Variants in DST observed in about 807,000 individuals in gnomAD.
The protein encoded by DST is dystonin, also known as bullous pemphigoid antigen.
In DST, 253 loss-of-function variants were observed where a neutral mutation model predicts 875.2. That is an observed-to-expected ratio of 0.29 (90% confidence interval 0.26 to 0.32). The LOEUF is 0.32. Among genes scored for constraint, DST ranks in the 10% least tolerant of loss-of-function variants. The pLI, the probability that DST is intolerant of heterozygous loss-of-function variation, is 1.00. For missense variants in DST, 8,287 were observed against 9,111.6 expected (o/e 0.91, Z 3.68); for synonymous variants, 3,124 against 3,197.1 (o/e 0.98, Z 0.77).
In DST at chr6:56,651,170, G is replaced by T; in HGVS notation, c.1289C>A (p.Ala430Glu). The T allele has an allele frequency of 1.2e-6, 2 of 1,612,550 alleles. No homozygotes were observed. Among genetic ancestry groups the T allele is most frequent in the Non-Finnish European group, 8.5e-7 (1 of 1,179,226 alleles). ...LANLEHAFYV[A>E]EKIGVIRLLD... ...AAGTCTTATAACACCAATTTTTTCTGCTACGTAAAAAGCATGCTCTAAATT... is the reference window on the plus strand; with the variant it reads ...AAGTCTTATAACACCAATTTTTTCTTCTACGTAAAAAGCATGCTCTAAATT... Residue 430 changes from alanine (A) to glutamate (E), a missense_variant, in exon 11 of 104, where the codon GCA becomes GAA. By Grantham distance (107) the Ala-to-Glu change is moderately radical. This residue lies in a region of DST where 1,160 missense variants were observed against 1,424.3 expected (regional missense o/e 0.81). Transcript: ENST00000680361.
At chr6:56,620,347 A>G (rs767187614) in intron 36 of DST, 3 of 1,613,992 alleles carry the variant, frequency 1.9e-6, no homozygotes, top group African/African-American at 2.7e-5. Context: ...CTTCCACGGC[A>G]GCTCTTTTAG....
rs115548284 is a variant in DST at position 56,723,929 on chromosome 6, A to G, written c.687+11299T>C. Among the ~76,000 whole-genome samples the G allele has an allele frequency of 9.9e-3, 1,502 of 152,332 alleles. 22 individuals carry two copies. Among genetic ancestry groups the G allele is most frequent in the African/African-American group, 0.034 (1,408 of 41,564 alleles). ...CTGCTCCCCCAACCCAGGGTATCCCACAACACCGGTGTTCCTGGGAACCTG... is the reference window on the plus strand; with the variant it reads ...CTGCTCCCCCAACCCAGGGTATCCCGCAACACCGGTGTTCCTGGGAACCTG... On this transcript the variant is annotated intron_variant, in intron 5 of 103. Coordinates refer to ENST00000680361, the MANE Select transcript of DST (RefSeq NM_001374736.1).
At position 56,635,631 on chromosome 6, in the gene DST, T is replaced by C; in HGVS notation, c.3144A>G (p.Ser1048=). 6.2e-7 allele frequency: 1 copy of C among 1,613,958 alleles called. No homozygotes were observed. Among genetic ancestry groups the C allele is most frequent in the Non-Finnish European group, 8.5e-7 (1 of 1,179,874 alleles). ...AIQRKYSCDR[S]SSIHKLEDLV... The stretch of plus-strand genomic sequence containing the variant: ...GGTCTTCTAGCTTGTGAATGCTGCT[T>C]GATCTATCACAGCTGTACTTCCGCT... The change falls in exon 24 of 104, where the codon TCA becomes TCG. Residue 1048 remains serine (S), a synonymous_variant. Transcript: ENST00000680361.
intron 49 of DST, among the ~76,000 whole-genome samples, chr6:56,586,103 C>G (rs1291325545): frequency 6.6e-6 from 1 of 152,110 alleles, no homozygotes; most frequent in African/African-American, 2.4e-5. Flanking sequence ...CTGCAGATGT[C>G]TATTAGGTCT....
chr6:56,763,124 A>G (rs1034306837), intron 4 of DST, among the ~76,000 whole-genome samples: 5 of 152,116 alleles, frequency 3.3e-5, no homozygotes, highest in Admixed American at 2.6e-4. Context: ...TGCTGGGATT[A>G]CAGGCGTGAG....
intron 2 of DST, among the ~76,000 whole-genome samples, chr6:56,916,525 G>C (rs1050957748): frequency 1.3e-5 from 2 of 152,124 alleles, no homozygotes; most frequent in African/African-American, 4.8e-5. Context: ...GCCAAGGCGA[G>C]CAGATCGCTT....
In DST at chr6:56,618,162, A is replaced by G. The variant is rs1351167597; in HGVS notation, c.4930-3678T>C. 3.1e-6 allele frequency: 5 copies of G among 1,613,896 alleles called. No individual in the cohort carries two copies. Among genetic ancestry groups the G allele is most frequent in the Non-Finnish European group, 3.4e-6 (4 of 1,179,986 alleles). Reference sequence around the variant, plus strand: ...AACTCGGTGCTTGTCTGAGAAAAGTACTCAGAGTAACACTGCTGGCTTTTC... The same window carrying G: ...AACTCGGTGCTTGTCTGAGAAAAGTGCTCAGAGTAACACTGCTGGCTTTTC... On this transcript the variant is annotated intron_variant, in intron 36 of 103. Transcript: ENST00000680361.
At chr6:56,949,053 T>C (rs1821062769) in intron 2 of DST, among the ~76,000 whole-genome samples, 5 of 152,236 alleles carry the variant, frequency 3.3e-5, no homozygotes, top group Non-Finnish European at 1.5e-5. Flanking sequence ...ACTCATATTC[T>C]TATAATCCTT....
At chr6:56,548,982 T>C (rs2152547698) in intron 61 of DST, among the ~76,000 whole-genome samples, 1 of 152,366 alleles carries the variant, frequency 6.6e-6, no homozygotes, top group East Asian at 1.9e-4. Context: ...AGTATTATGT[T>C]TGAATTGGTA....
At chr6:56,658,680 T>C (rs1192094822) in intron 10 of DST, among the ~76,000 whole-genome samples, 1 of 152,142 alleles carries the variant, frequency 6.6e-6, no homozygotes, top group Non-Finnish European at 1.5e-5. Context: ...TTCTTCCCAG[T>C]CAAAAAACTA....
chr6:56,515,502 G>A lies in DST; in HGVS notation c.18524C>T (p.Pro6175Leu). 1 of 1,613,910 alleles carries A rather than the reference G, an allele frequency of 6.2e-7. No homozygotes were observed. Among genetic ancestry groups the A allele is most frequent in the Non-Finnish European group, 8.5e-7 (1 of 1,179,842 alleles). Residue 6175 changes from proline (P) to leucine (L), a missense_variant, in exon 72 of 104, where the codon CCC becomes CTC. Around this residue, in one of 10 missense-constraint regions of DST, gnomAD observed 1,292 missense variants for 1,552.7 expected, o/e 0.83. Coordinates refer to ENST00000680361, the MANE Select transcript of DST (RefSeq NM_001374736.1). The stretch of plus-strand genomic sequence containing the variant: ...AGTTTCATATTCAAGGGCTGGGGCG[G>A]GAAGCTGAGAGATGATTGATTGTGT... Reference protein sequence around the residue: ...TETQSIISQLPAPALEYETLR... With the variant: ...TETQSIISQLLAPALEYETLR...
intron 4 of DST, among the ~76,000 whole-genome samples, chr6:56,766,937 T>C (rs2099634913): frequency 6.6e-6 from 1 of 152,226 alleles, no homozygotes; most frequent in Non-Finnish European, 1.5e-5. Flanking sequence ...TCAGTGCTTT[T>C]TTTCTGTTTT....
chr6:56,779,831 C>T (rs1455735419), intron 4 of DST, among the ~76,000 whole-genome samples: 1 of 148,186 alleles, frequency 6.7e-6, no homozygotes. Context: ...CCCATTAACT[C>T]GTCATTTAGC....
chr6:56,735,343 G>T, intron 4 of DST, 54 bp from the exon 5 acceptor site: 2 of 1,001,792 alleles, frequency 2.0e-6, no homozygotes, highest in South Asian at 2.9e-5. Flanking sequence ...ATGAATAGAT[G>T]ACTTTGTGAT....
At chr6:56,480,218 T>A (rs542913314) in intron 90 of DST, among the ~76,000 whole-genome samples, 2 of 152,328 alleles carry the variant, frequency 1.3e-5, no homozygotes, top group African/African-American at 2.4e-5. Context: ...TTTTTAAATA[T>A]CATAACTTAA....
intron 36 of DST, chr6:56,616,125 C>G: frequency 1.2e-6 from 2 of 1,614,200 alleles, no homozygotes; most frequent in Non-Finnish European, 1.7e-6. Flanking sequence ...TACCCTGCAA[C>G]AGGACTGTGC....
Position 56,608,479 on chromosome 6 carries a change from T to A in DST, c.6149A>T (p.Gln2050Leu), listed in dbSNP as rs779873118. 1 of 1,613,718 alleles carries A rather than the reference T, an allele frequency of 6.2e-7. No individual in the cohort carries two copies. Among genetic ancestry groups the A allele is most frequent in the East Asian group, 2.2e-5 (1 of 44,864 alleles). The change falls in exon 40 of 104, where the codon CAG becomes CTG. Residue 2050 changes from glutamine to leucine, a missense_variant. Gln to Leu is a moderately radical substitution (Grantham distance 113). This residue lies in a region of DST where 3,138 missense variants were observed against 3,116.6 expected (regional missense o/e 1.01). Coordinates refer to ENST00000680361, the MANE Select transcript of DST (RefSeq NM_001374736.1). ...ACTGCTGGAAGTTATTAAATCACAC[T>A]GTACTGCTTCGTCTACAGTTAAACG... The part of the protein sequence containing the change: ...AKRLTVDEAV[Q>L]CDLITSSSAL...
At chr6:56,662,350 A>G (rs1652617414) in intron 10 of DST, among the ~76,000 whole-genome samples, 1 of 152,250 alleles carries the variant, frequency 6.6e-6, no homozygotes, top group Admixed American at 6.5e-5. Flanking sequence ...AAAGTTCAGT[A>G]CAACAGTTTT....
chr6:56,763,209 A>G (rs1050511371), intron 4 of DST, among the ~76,000 whole-genome samples: 1 of 152,130 alleles, frequency 6.6e-6, no homozygotes, highest in East Asian at 1.9e-4. Flanking sequence ...TTTGCCATAC[A>G]TGACCATGTG....
Sources: allele counts gnomAD v4.1 joint callset (sites outside exome capture counted in the v4.1 genomes callset), GRCh38; gene constraint gnomAD v4.1.1; regional missense constraint gnomAD v4.1.1; transcripts MANE v1.5; gene names NCBI Gene and HGNC (gene_info 2026-07-23, HGNC 2026-07-21).